SEC14L1: variants seen among roughly 807,000 people sequenced by gnomAD.
SEC14L1 encodes the protein SEC14-like protein 1.
A neutral mutation model predicts 85.3 loss-of-function variants in SEC14L1; 48 were observed. That is an observed-to-expected ratio of 0.56 (90% CI 0.45 to 0.72). The LOEUF (loss-of-function observed/expected upper bound fraction) is 0.72. Ranked by LOEUF, SEC14L1 falls within the 30% of genes least tolerant of loss-of-function variation. The pLI is 0.00. For synonymous variants in SEC14L1, 391 were observed against 355.5 expected (o/e 1.10, Z -1.12); for missense variants, 682 against 921.4 (o/e 0.74, Z 3.36).
intron 3 of SEC14L1, among the ~76,000 whole-genome samples, chr17:77,126,947 C>G (rs1972465149): frequency 7.4e-6 from 1 of 135,136 alleles, no homozygotes; most frequent in African/African-American, 2.7e-5. Flanking sequence ...TTCCCTCCAA[C>G]AGGGATTTCT....
intron 3 of SEC14L1, among the ~76,000 whole-genome samples, chr17:77,189,715 G>T (rs151250329): frequency 0.052 from 7,968 of 152,190 alleles, 317 homozygotes; most frequent in Admixed American, 0.11. Context: ...TGCAAGCTCC[G>T]CTTTCTGGGT....
chr17:77,111,300 AT>A (rs1405477319), intron 3 of SEC14L1, among the ~76,000 whole-genome samples: 30 of 151,818 alleles, frequency 2.0e-4, no homozygotes, highest in Non-Finnish European at 4.3e-4. Context: ...TTGGTTGACA[AT>A]TTTTTGGCTG....
chr17:77,102,239 G>C (rs1971794586), intron 3 of SEC14L1, among the ~76,000 whole-genome samples: 1 of 152,234 alleles, frequency 6.6e-6, no homozygotes, highest in Non-Finnish European at 1.5e-5. Context: ...CCCATGCACT[G>C]TGTAAGTGGG....
At chr17:77,133,455 G>A (rs767809702) in intron 3 of SEC14L1, among the ~76,000 whole-genome samples, 10 of 152,190 alleles carry the variant, frequency 6.6e-5, no homozygotes, top group Non-Finnish European at 1.2e-4. Context: ...CAAGTGGAAC[G>A]GCAGCTTCAG....
At chr17:77,178,314 GTTATT>G (rs1974853621) in intron 3 of SEC14L1, among the ~76,000 whole-genome samples, 1 of 151,940 alleles carries the variant, frequency 6.6e-6, no homozygotes, top group Admixed American at 6.6e-5. Flanking sequence ...ACTAACTTGA[GTTATT>G]TTAAGAGGTC....
rs770077614 is a variant in SEC14L1 at position 77,194,772 on chromosome 17, A to T, written c.570A>T (p.Ser190=). 4 of 1,614,056 alleles carry T rather than the reference A, an allele frequency of 2.5e-6. No homozygotes were observed. Among genetic ancestry groups the T allele is most frequent in the African/African-American group, 1.3e-5 (1 of 74,902 alleles). The change falls in exon 7 of 17, where the codon TCA becomes TCT. Residue 190 remains serine, a synonymous_variant. Coordinates refer to ENST00000436233, the MANE Select transcript of SEC14L1 (RefSeq NM_001143998.2). ...RWSPPSITTS[S]ETSSSSSKKQ... The stretch of plus-strand genomic sequence containing the variant: ...GTCCGCCTTCCATCACGACCTCTTC[A>T]GAGACATCTTCATCATCCTCCAAGA...
At chr17:77,175,170 C>T (rs974422645) in intron 3 of SEC14L1, among the ~76,000 whole-genome samples, 2 of 152,168 alleles carry the variant, frequency 1.3e-5, no homozygotes, top group African/African-American at 4.8e-5. Flanking sequence ...AAGGACGTTA[C>T]ACAGTTAAAC....
Position 77,213,270 on chromosome 17 carries a change from C to A in SEC14L1, c.1864-44C>A. 1 of 1,544,690 alleles carries A rather than the reference C, an allele frequency of 6.5e-7. No homozygotes were observed. ...GTCAGGCCTGTGGTAGGCCAGGGGT[C>A]GGAAGCGAGTCGCCCTCAGCTGCCA... On this transcript the variant is annotated intron_variant, in intron 15 of 16. Transcript: ENST00000436233. This position sits in a 1 kb window ranked among gnomAD's most constrained non-coding sequence, Gnocchi z 7.1.
chr17:77,213,230 G>A lies in SEC14L1; in HGVS notation c.1864-84G>A. ...GTAGCTACATGAAATCCTAAAGACA[G>A]TCCCCTTGGCGCTTGTCAGGCCTGT... On this transcript the variant is annotated intron_variant, in intron 15 of 16. Coordinates refer to ENST00000436233, the MANE Select transcript of SEC14L1 (RefSeq NM_001143998.2). The surrounding 1 kb of genome is among the most constrained non-coding windows in gnomAD (Gnocchi z 7.1). 1.7e-6 allele frequency: 2 copies of A among 1,168,222 alleles called. No homozygotes were observed. The highest frequency in any genetic ancestry group is 2.4e-6 in the Non-Finnish European group (2 of 833,704). The allele number at this position is 1,168,222 out of a possible 1,614,324, so 72.4% of individuals were successfully genotyped here. A position where few individuals can be genotyped will look rare whatever the true frequency, so the allele number is the denominator to read the frequency against.
Position 77,142,762 on chromosome 17 carries a change from C to A in SEC14L1, c.-31+12C>A, listed in dbSNP as rs773907697. 6.6e-6 allele frequency: 1 copy of A among 152,054 alleles called. No homozygotes were observed. Among genetic ancestry groups the A allele is most frequent in the African/African-American group, 2.4e-5 (1 of 41,380 alleles). The allele number at this position is 152,054 out of a possible 1,614,324, so 9.4% of individuals were successfully genotyped here. A position where few individuals can be genotyped will look rare whatever the true frequency, so the allele number is the denominator to read the frequency against. On this transcript the variant is annotated intron_variant, in intron 2 of 16. Transcript: ENST00000436233. ...CCTCAACAAGACAGGTAGGCTCATT[C>A]GATTTTTCTTTCTCACTTTAAATAG...
intron 9 of SEC14L1, 131 bp from the exon 10 acceptor site, chr17:77,203,439 T>C (rs1976282663): frequency 1.4e-6 from 1 of 728,020 alleles, no homozygotes; most frequent in Non-Finnish European, 2.3e-6. Context: ...TTGCCACTTC[T>C]AAGAATCAGA....
upstream of SEC14L1, among the ~76,000 whole-genome samples, chr17:77,139,497 G>A (rs1253866850): frequency 1.5e-5 from 1 of 64,882 alleles, no homozygotes. Flanking sequence ...AGGTGGATGT[G>A]ATTTTTTTTT....
chr17:77,137,445 G>C (rs913524791), upstream of SEC14L1, among the ~76,000 whole-genome samples: 6 of 152,210 alleles, frequency 3.9e-5, no homozygotes, highest in African/African-American at 1.4e-4. Flanking sequence ...AAGATCTCAT[G>C]TGAACTTAGA....
rs1974580955 is a variant in SEC14L1 at position 77,172,888 on chromosome 17, G to A, written c.64-17915G>A. ...GCATATTCCTCCAGTAGGCTGCGTT[G>A]TTACTATCCCATTGAGGATCTGTGG... is the stretch of plus-strand genomic sequence containing the variant. On this transcript the variant is annotated intron_variant, in intron 3 of 16. Coordinates refer to ENST00000436233, the MANE Select transcript of SEC14L1 (RefSeq NM_001143998.2). Among the ~76,000 whole-genome samples, 4 of 152,182 alleles carry A rather than the reference G, an allele frequency of 2.6e-5. No homozygotes were observed. The South Asian group carries it at 8.3e-4, about 31-fold the overall frequency.
At chr17:77,142,240 C>G (rs1423724287) in intron 1 of SEC14L1, among the ~76,000 whole-genome samples, 1 of 151,970 alleles carries the variant, frequency 6.6e-6, no homozygotes. Context: ...GCCAGACATA[C>G]CAGAGAAAGT....
chr17:77,158,431 C>G (rs1388003134), intron 3 of SEC14L1, among the ~76,000 whole-genome samples: 1 of 152,186 alleles, frequency 6.6e-6, no homozygotes, highest in Admixed American at 6.5e-5. Flanking sequence ...TTTTGCGTAA[C>G]TTGGTAGTTA....
At chr17:77,108,787 C>CA (rs60644460) in intron 3 of SEC14L1, among the ~76,000 whole-genome samples, 15 of 113,078 alleles carry the variant, frequency 1.3e-4, no homozygotes, top group Admixed American at 1.1e-3. Context: ...TCTCTGTCTC[C>CA]AAAAAAAAAA....
upstream of SEC14L1, among the ~76,000 whole-genome samples, chr17:77,138,996 CTCTT>C (rs1413330273): frequency 6.6e-6 from 1 of 152,148 alleles, no homozygotes; most frequent in Non-Finnish European, 1.5e-5. Flanking sequence ...GACCATTCCC[CTCTT>C]TTTTTCCTTT....
intron 3 of SEC14L1, among the ~76,000 whole-genome samples, chr17:77,173,995 G>C (rs1974638841): frequency 6.6e-6 from 1 of 152,002 alleles, no homozygotes; most frequent in Non-Finnish European, 1.5e-5. Flanking sequence ...CTGCCTCCTG[G>C]GTTCAAGCGA....
Sources: allele counts gnomAD v4.1 joint callset (sites outside exome capture counted in the v4.1 genomes callset), GRCh38; gene constraint gnomAD v4.1.1; non-coding constraint Gnocchi (gnomAD v3.1); transcripts MANE v1.5; gene names NCBI Gene and HGNC (gene_info 2026-07-23, HGNC 2026-07-21).